The following RALGPS2 variants were observed in gnomAD, a reference collection of about 807,000 sequenced individuals.
The protein encoded by RALGPS2 is ras-specific guanine nucleotide-releasing factor RalGPS2.
Under a neutral mutation model 86.8 loss-of-function variants are expected in RALGPS2, and 43 were observed. The observed-to-expected ratio is 0.50, with a 90% CI of 0.39 to 0.64. RALGPS2 has a LOEUF of 0.64. RALGPS2 is among the 30% of genes least tolerant of loss of function. The pLI, the probability that RALGPS2 is intolerant of heterozygous loss-of-function variation, is 0.00. For synonymous variants in RALGPS2, 243 were observed against 231.3 expected (o/e 1.05, Z -0.46); for missense variants, 536 against 694.6 (o/e 0.77, Z 2.57).
intron 8 of RALGPS2, among the ~76,000 whole-genome samples, chr1:178,859,491 C>A (rs896964340): frequency 2.0e-5 from 3 of 148,058 alleles, no homozygotes; most frequent in African/African-American, 7.5e-5. Flanking sequence ...GCAACCTCCG[C>A]CTCCCGAGTT....
chr1:178,752,450 A>G (rs1028803595), intron 1 of RALGPS2, among the ~76,000 whole-genome samples: 1 of 152,046 alleles, frequency 6.6e-6, no homozygotes, highest in East Asian at 1.9e-4. Flanking sequence ...GGTGTGAGCC[A>G]TGTTGCCTGG....
intron 19 of RALGPS2, among the ~76,000 whole-genome samples, chr1:178,915,378 G>C (rs1480076813): frequency 6.6e-6 from 1 of 152,146 alleles, no homozygotes; most frequent in Non-Finnish European, 1.5e-5. Flanking sequence ...TGGGATTACA[G>C]GCACCCACCA....
At chr1:178,893,085 C>T (rs1487668365) in intron 15 of RALGPS2, among the ~76,000 whole-genome samples, 2 of 152,076 alleles carry the variant, frequency 1.3e-5, no homozygotes, top group Admixed American at 1.3e-4. Context: ...CTTTAGTTTT[C>T]ATTGCTCTTA....
At chr1:178,795,655 C>T (rs1299455815) in intron 4 of RALGPS2, among the ~76,000 whole-genome samples, 1 of 152,068 alleles carries the variant, frequency 6.6e-6, no homozygotes, top group African/African-American at 2.4e-5. Flanking sequence ...CTAAGGTGAT[C>T]CACCCACCTC....
At chr1:178,890,597 T>C (rs894336895) in intron 14 of RALGPS2, among the ~76,000 whole-genome samples, 1 of 151,998 alleles carries the variant, frequency 6.6e-6, no homozygotes, top group Non-Finnish European at 1.5e-5. Flanking sequence ...AATTTTAAAT[T>C]AAATTTTATT....
chr1:178,773,495 T>C (rs1178660216), intron 1 of RALGPS2, among the ~76,000 whole-genome samples: 1 of 152,232 alleles, frequency 6.6e-6, no homozygotes, highest in Non-Finnish European at 1.5e-5. Flanking sequence ...TTGAAGGACG[T>C]ACTAAAAGAA....
At chr1:178,863,855 CAG>C (rs1407102183) in intron 8 of RALGPS2, among the ~76,000 whole-genome samples, 1 of 152,184 alleles carries the variant, frequency 6.6e-6, no homozygotes, top group Non-Finnish European at 1.5e-5. Flanking sequence ...TATTCACTGA[CAG>C]AGAGATGAAA....
intron 7 of RALGPS2, among the ~76,000 whole-genome samples, chr1:178,823,800 G>A (rs1655620541): frequency 6.6e-6 from 1 of 152,204 alleles, no homozygotes; most frequent in Non-Finnish European, 1.5e-5. Flanking sequence ...CACATACTGT[G>A]TTTGAGTTGG....
chr1:178,825,038 G>T (rs781477458), intron 7 of RALGPS2, among the ~76,000 whole-genome samples: 1 of 152,128 alleles, frequency 6.6e-6, no homozygotes, highest in Non-Finnish European at 1.5e-5. Flanking sequence ...CATCTGGAGA[G>T]TGTGAGAGTG....
chr1:178,743,236 G>T (rs939380523), intron 1 of RALGPS2, among the ~76,000 whole-genome samples: 7 of 152,136 alleles, frequency 4.6e-5, no homozygotes, highest in African/African-American at 1.7e-4. Flanking sequence ...AAAAGAATTT[G>T]TGGGATACTA....
chr1:178,792,283 A>T (rs545154886), intron 4 of RALGPS2, among the ~76,000 whole-genome samples: 1 of 152,290 alleles, frequency 6.6e-6, no homozygotes, highest in African/African-American at 2.4e-5. Context: ...TATTTTGTTA[A>T]GTTTTTTAAG....
chr1:178,776,418 A>T (rs1263283755), intron 1 of RALGPS2, among the ~76,000 whole-genome samples: 1 of 152,124 alleles, frequency 6.6e-6, no homozygotes, highest in Non-Finnish European at 1.5e-5. Context: ...TTCCCTCGCA[A>T]TACCCACTTA....
intron 7 of RALGPS2, among the ~76,000 whole-genome samples, chr1:178,824,780 G>A (rs902938647): frequency 6.6e-6 from 1 of 151,984 alleles, no homozygotes; most frequent in Non-Finnish European, 1.5e-5. Context: ...CTGCACTCCA[G>A]CCTGTGCGAC....
intron 8 of RALGPS2, chr1:178,853,840 G>T: frequency 7.1e-7 from 1 of 1,401,366 alleles, no homozygotes; most frequent in South Asian, 1.7e-5. Flanking sequence ...GAAGAGACAT[G>T]TTAAAAGTTT....
At chr1:178,744,882 T>G (rs1465593214) in intron 1 of RALGPS2, among the ~76,000 whole-genome samples, 1 of 151,910 alleles carries the variant, frequency 6.6e-6, no homozygotes, top group African/African-American at 2.4e-5. Flanking sequence ...GTAAAGTATC[T>G]TCTTTGTAGT....
intron 1 of RALGPS2, among the ~76,000 whole-genome samples, chr1:178,746,460 A>G (rs1475359276): frequency 6.6e-6 from 1 of 152,244 alleles, no homozygotes; most frequent in African/African-American, 2.4e-5. Context: ...CATTTCATAC[A>G]TGCATTATAA....
At chr1:178,830,790 C>T (rs1455802865) in intron 7 of RALGPS2, among the ~76,000 whole-genome samples, 3 of 151,822 alleles carry the variant, frequency 2.0e-5, no homozygotes, top group African/African-American at 7.3e-5. Flanking sequence ...TCAAAAGATA[C>T]CTTAAAATGG....
chr1:178,865,588 T>C, intron 8 of RALGPS2: 1 of 1,614,094 alleles, frequency 6.2e-7, no homozygotes, highest in Non-Finnish European at 8.5e-7. Context: ...TGACACAGAT[T>C]GGCCCTGTTA....
At chr1:178,856,215 A>ATATATATATATATATC (rs1657551235) in intron 8 of RALGPS2, among the ~76,000 whole-genome samples, 5 of 71,176 alleles carry the variant, frequency 7.0e-5, no homozygotes, top group African/African-American at 2.1e-4. Context: ...ATATATATAT[A>ATATATATATATATATC]TATATATATA....
Sources: gnomAD v4.1 joint callset for allele counts (sites outside exome capture counted in the v4.1 genomes callset) on GRCh38, gnomAD v4.1.1 for gene constraint, MANE v1.5 for transcripts, NCBI Gene and HGNC (gene_info 2026-07-23, HGNC 2026-07-21) for gene names.